The following TET1 variants were observed in gnomAD, a reference collection of about 807,000 sequenced individuals.
TET1 encodes tet methylcytosine dioxygenase 1, also known as methylcytosine dioxygenase TET1.
Under a neutral mutation model 148.7 loss-of-function variants are expected in TET1, and 13 were observed. The ratio of observed to expected loss-of-function variants is 0.09; its 90% CI spans 0.06 to 0.14. TET1 has a LOEUF of 0.14. Ranked by LOEUF, TET1 falls within the 10% of genes least tolerant of loss-of-function variation. The pLI, the probability that TET1 is intolerant of heterozygous loss-of-function variation, is 1.00. For missense variants in TET1, 2,182 were observed against 2,553.8 expected, an observed-to-expected ratio of 0.85 and a Z score of 3.14; for synonymous variants, 907 against 937.2, an observed-to-expected ratio of 0.97 and a Z score of 0.59.
chr10:68,652,744 AGTGG>A, intron 6 of TET1, 150 bp downstream of exon 6: 4 of 524,126 alleles, frequency 7.6e-6, no homozygotes, highest in Non-Finnish European at 1.3e-5. Flanking sequence ...GCTGGATTGC[AGTGG>A]TGCAATCACA....
intron 3 of TET1, among the ~76,000 whole-genome samples, chr10:68,611,995 A>G (rs1193579749): frequency 6.6e-6 from 1 of 152,116 alleles, no homozygotes; most frequent in African/African-American, 2.4e-5. Flanking sequence ...ACTGAGAAAT[A>G]TAAGCCTATA....
chr10:68,642,519 T>C (rs891815916), intron 3 of TET1, among the ~76,000 whole-genome samples: 4 of 152,168 alleles, frequency 2.6e-5, no homozygotes, highest in Non-Finnish European at 5.9e-5. Flanking sequence ...GCATTTCTCT[T>C]TGGGGTTTTG....
At chr10:68,621,299 G>A (rs2054366947) in intron 3 of TET1, among the ~76,000 whole-genome samples, 1 of 152,136 alleles carries the variant, frequency 6.6e-6, no homozygotes, top group East Asian at 1.9e-4. Flanking sequence ...CTGGAGTTCA[G>A]TGGCGTGATC....
At chr10:68,624,624 CTTTCTTTCTTTCTTTCTT>C (rs1564974694) in intron 3 of TET1, among the ~76,000 whole-genome samples, 19 of 36,060 alleles carry the variant, frequency 5.3e-4, no homozygotes, top group African/African-American at 3.0e-3. Context: ...TTCTTTCTTT[CTTTCTTTCTTTCTTTCTT>C]TCTTTCTTTC....
intron 3 of TET1, among the ~76,000 whole-genome samples, chr10:68,630,123 A>G (rs2054548000): frequency 6.6e-6 from 1 of 152,200 alleles, no homozygotes; most frequent in South Asian, 2.1e-4. Context: ...CAGAAGGAGT[A>G]TGAGTAGAGG....
At chr10:68,584,124 C>T (rs1050345741) in intron 2 of TET1, among the ~76,000 whole-genome samples, 5 of 151,470 alleles carry the variant, frequency 3.3e-5, no homozygotes, top group Non-Finnish European at 7.4e-5. Context: ...ACTGCAACCT[C>T]CGCCTCCCAG....
chr10:68,673,578 C>G (rs2055303395), intron 8 of TET1: 1 of 181,976 alleles, frequency 5.5e-6, no homozygotes, highest in Non-Finnish European at 1.1e-5. Flanking sequence ...ATAAGTATAA[C>G]TCCACACCTT....
Position 68,573,862 on chromosome 10 carries a change from G to A in TET1, c.1524G>A (p.Leu508=), listed in dbSNP as rs985822890. The A allele has an allele frequency of 2.5e-6, 4 of 1,614,088 alleles. No homozygotes were observed. The highest frequency in any genetic ancestry group is 1.7e-5 in the Admixed American group (1 of 60,016). ...AGAAGCAGGTTCATATAAGCTTCCT[G>A]CCAGCTAACACTCAGGGGTTCCCAT... ...ENEKQVHISF[L]PANTQGFPLA... Residue 508 remains leucine, a synonymous_variant, in exon 2 of 12, where the codon CTG becomes CTA. Coordinates refer to ENST00000373644, the MANE Select transcript of TET1 (RefSeq NM_030625.3).
chr10:68,690,999 G>T lies in TET1; in HGVS notation c.5596G>T (p.Ala1866Ser), dbSNP rs767435262. 44 of 1,614,054 alleles carry T rather than the reference G, an allele frequency of 2.7e-5. No homozygotes were observed. Among genetic ancestry groups the T allele is most frequent in the Non-Finnish European group, 3.7e-5 (44 of 1,180,038 alleles). Residue 1866 changes from alanine (A) to serine (S), a missense_variant, in exon 12 of 12, where the codon GCA becomes TCA. Coordinates refer to ENST00000373644, the MANE Select transcript of TET1 (RefSeq NM_030625.3). ...CACACCAGCTCCACTGAAGAATGAC[G>T]CAACAGCCTCATGCGGGTTTTCAGA... is the stretch of plus-strand genomic sequence containing the variant. Reference protein sequence around the residue: ...SATPAPLKNDATASCGFSERS... With the variant: ...SATPAPLKNDSTASCGFSERS...
intron 3 of TET1, among the ~76,000 whole-genome samples, chr10:68,602,147 A>G (rs1348420501): frequency 6.6e-6 from 1 of 152,210 alleles, no homozygotes. Flanking sequence ...TTTATTTAAT[A>G]TTTACCACAT....
chr10:68,624,292 G>C (rs117383467), intron 3 of TET1, among the ~76,000 whole-genome samples: 2,474 of 148,786 alleles, frequency 0.017, 44 homozygotes, highest in South Asian at 0.062. Flanking sequence ...TTGTTTGTTT[G>C]TTTCTTTCTT....
chr10:68,589,502 CTGTGT>C (rs58501363), intron 2 of TET1, among the ~76,000 whole-genome samples: 23,273 of 151,808 alleles, frequency 0.15, 1,916 homozygotes, highest in South Asian at 0.24. Flanking sequence ...TGGGGTTTCA[CTGTGT>C]TGCCCAGGCT....
At chr10:68,650,620 A>G (rs893588526) in intron 4 of TET1, among the ~76,000 whole-genome samples, 2 of 152,100 alleles carry the variant, frequency 1.3e-5, no homozygotes, top group African/African-American at 4.8e-5. Flanking sequence ...AACAAGAGTG[A>G]AACGCCATCT....
In TET1 at chr10:68,651,949, G is replaced by A. The variant is rs1554808510; in HGVS notation, c.4367+13G>A. ...TCATGGAGAATAGGTGAGGAAATACGCTTCCCTGTTAAAATCATTCTTACT... is the reference window on the plus strand; with the variant it reads ...TCATGGAGAATAGGTGAGGAAATACACTTCCCTGTTAAAATCATTCTTACT... On this transcript the variant is annotated intron_variant, in intron 5 of 11. Transcript: ENST00000373644. The A allele has an allele frequency of 5.0e-6, 8 of 1,605,312 alleles. No individual in the cohort carries two copies. In the Admixed American group the frequency reaches 1.0e-4, roughly 20 times the overall value.
chr10:68,634,331 G>T (rs887544558), intron 3 of TET1, among the ~76,000 whole-genome samples: 4 of 152,204 alleles, frequency 2.6e-5, no homozygotes, highest in Non-Finnish European at 5.9e-5. Context: ...ACAACTCACA[G>T]TTAACATCCT....
At position 68,632,827 on chromosome 10, in the gene TET1, T is replaced by A. The variant is rs370425539; in HGVS notation, c.1969-11871T>A. On this transcript the variant is annotated intron_variant, in intron 3 of 11. Transcript: ENST00000373644. ...AAGCTCTCAATCAAGTAAATAAAGT[T>A]TAAGTTGTAAAAAAAAAAAAAAAAA... 108 of 864,100 alleles carry A rather than the reference T, an allele frequency of 1.2e-4. 3 individuals are homozygous for A. In the African/African-American group the frequency reaches 1.8e-3, roughly 14 times the overall value. The allele number at this position is 864,100 out of a possible 1,614,324, so 53.5% of individuals were successfully genotyped here. A position where few individuals can be genotyped will look rare whatever the true frequency, so the allele number is the denominator to read the frequency against.
intron 3 of TET1, among the ~76,000 whole-genome samples, chr10:68,614,644 G>A (rs1230421135): frequency 6.6e-6 from 1 of 152,166 alleles, no homozygotes; most frequent in Non-Finnish European, 1.5e-5. Context: ...AGCCACCTGA[G>A]TAGCTGGGAC....
rs184894115 is a variant in TET1, at chr10:68,603,659, T to G, written c.1968+2625T>G. On this transcript the variant is annotated intron_variant, in intron 3 of 11. Transcript: ENST00000373644. ...GACGGTGTGCACTTCTAGTCCTAGC[T>G]ACTCAGGAGGCTGAGGAGGGAGGAT... 1.7e-3 allele frequency among the ~76,000 whole-genome samples: 258 copies of G among 152,184 alleles called. 4 individuals are homozygous for G. The highest frequency in any genetic ancestry group is 2.9e-4 in the Non-Finnish European group (20 of 68,000).
chr10:68,598,316 G>T (rs564644236), intron 2 of TET1, among the ~76,000 whole-genome samples: 1 of 152,152 alleles, frequency 6.6e-6, no homozygotes, highest in Non-Finnish European at 1.5e-5. Flanking sequence ...ATTTGAACCC[G>T]GAAGGCGGAG....
Sources: allele counts gnomAD v4.1 joint callset (sites outside exome capture counted in the v4.1 genomes callset), GRCh38; gene constraint gnomAD v4.1.1; transcripts MANE v1.5; gene names NCBI Gene and HGNC (gene_info 2026-07-23, HGNC 2026-07-21).